Variants in RASAL2 observed in about 807,000 individuals in gnomAD.
RASAL2 encodes the protein ras GTPase-activating protein nGAP.
Under a neutral mutation model 128.9 loss-of-function variants are expected in RASAL2, and 58 were observed. The ratio of observed to expected loss-of-function variants is 0.45; its 90% confidence interval spans 0.36 to 0.56. The LOEUF is 0.56. Ranked by LOEUF, RASAL2 falls within the 20% of genes least tolerant of loss-of-function variation. The pLI, the probability that RASAL2 is intolerant of heterozygous loss-of-function variation, is 0.00. For missense variants in RASAL2, 1,360 were observed against 1,601.6 expected, an observed-to-expected ratio of 0.85 and a Z score of 2.57; for synonymous variants, 561 against 580.8, an observed-to-expected ratio of 0.97 and a Z score of 0.49.
intron 3 of RASAL2, among the ~76,000 whole-genome samples, chr1:178,367,365 C>G (rs1266271835): frequency 1.3e-5 from 2 of 152,162 alleles, no homozygotes; most frequent in Non-Finnish European, 2.9e-5. Context: ...TGGCTACCCT[C>G]TCTGAAATTG....
intron 3 of RASAL2, among the ~76,000 whole-genome samples, chr1:178,314,787 A>C (rs897066850): frequency 6.6e-6 from 1 of 152,040 alleles, no homozygotes. Context: ...CACTTTATTT[A>C]TTTATTTATT....
intron 1 of RASAL2, among the ~76,000 whole-genome samples, chr1:178,208,629 T>C (rs1663144971): frequency 6.6e-6 from 1 of 152,198 alleles, no homozygotes; most frequent in South Asian, 2.1e-4. Context: ...CCTGTGATCT[T>C]TGTTGGACCC....
intron 17 of RASAL2, among the ~76,000 whole-genome samples, chr1:178,471,476 T>C (rs1335606543): frequency 6.6e-6 from 1 of 152,200 alleles, no homozygotes; most frequent in East Asian, 1.9e-4. Flanking sequence ...ATTACTTTCC[T>C]AAAATAAAAA....
At chr1:178,162,569 A>G (rs1661365265) in intron 1 of RASAL2, among the ~76,000 whole-genome samples, 1 of 125,962 alleles carries the variant, frequency 7.9e-6, no homozygotes, top group Non-Finnish European at 1.7e-5. Flanking sequence ...ATCTTTATAT[A>G]AAATATATAT....
At chr1:178,454,681 A>G (rs765308915) in intron 12 of RASAL2, 33 bp downstream of exon 12, 1 of 1,570,616 alleles carries the variant, frequency 6.4e-7, no homozygotes, top group East Asian at 2.2e-5. Flanking sequence ...AGAGAACTTT[A>G]ATGTACCTGA....
At chr1:178,386,229 T>C (rs1239008281) in intron 3 of RASAL2, among the ~76,000 whole-genome samples, 1 of 152,230 alleles carries the variant, frequency 6.6e-6, no homozygotes, top group Non-Finnish European at 1.5e-5. Flanking sequence ...TAGAGGAATA[T>C]GTGTATGTTG....
At chr1:178,264,725 C>CCT (rs1226217105) in intron 1 of RASAL2, among the ~76,000 whole-genome samples, 1 of 152,146 alleles carries the variant, frequency 6.6e-6, no homozygotes, top group African/African-American at 2.4e-5. Context: ...TATTCACCAA[C>CCT]CTGGGAGCTC....
chr1:178,326,479 C>G (rs1165765576), intron 3 of RASAL2, among the ~76,000 whole-genome samples: 2 of 152,144 alleles, frequency 1.3e-5, no homozygotes, highest in African/African-American at 4.8e-5. Flanking sequence ...TAATGCTCTG[C>G]TATTTCAGAA....
At chr1:178,115,287 T>C (rs1359694692) in intron 1 of RASAL2, among the ~76,000 whole-genome samples, 1 of 152,260 alleles carries the variant, frequency 6.6e-6, no homozygotes, top group Non-Finnish European at 1.5e-5. Context: ...TTGTTCATAA[T>C]ATTTCCTTAT....
At chr1:178,132,548 A>G (rs141998087) in intron 1 of RASAL2, among the ~76,000 whole-genome samples, 179 of 152,308 alleles carry the variant, frequency 1.2e-3, no homozygotes, top group African/African-American at 3.6e-3. Flanking sequence ...ACCTGTAGTT[A>G]TACAAAGTAG....
At chr1:178,404,225 C>T (rs1469017434) in intron 4 of RASAL2, among the ~76,000 whole-genome samples, 1 of 57,128 alleles carries the variant, frequency 1.8e-5, no homozygotes, top group Non-Finnish European at 3.5e-5. Context: ...GACCCCGTCT[C>T]AAAAAAAAAA....
chr1:178,334,026 T>G (rs1007456125), intron 3 of RASAL2, among the ~76,000 whole-genome samples: 1 of 152,222 alleles, frequency 6.6e-6, no homozygotes, highest in Non-Finnish European at 1.5e-5. Flanking sequence ...GTGTTTTCTT[T>G]GTGGGATCAT....
In RASAL2 at chr1:178,475,642, A is replaced by C. The variant is rs1279718566; in HGVS notation, c.*2403A>C. 6.6e-6 allele frequency: 1 copy of C among 152,162 alleles called. No individual in the cohort carries two copies. Among genetic ancestry groups the C allele is most frequent in the Admixed American group, 6.5e-5 (1 of 15,278 alleles). 9.4% of individuals were successfully genotyped at this position (152,162 alleles called of 1,614,324 possible). On this transcript the variant is annotated 3_prime_UTR_variant, in exon 18 of 18. Coordinates refer to ENST00000367649, the MANE Select transcript of RASAL2 (RefSeq NM_170692.4). Reference sequence around the variant, plus strand: ...GGCTGATAAAATTACTTATATTGGGAATTGAGAGAAGCCCCAAAAAATCAA... The same window carrying C: ...GGCTGATAAAATTACTTATATTGGGCATTGAGAGAAGCCCCAAAAAATCAA...
chr1:178,340,111 A>G (rs1669788590), intron 3 of RASAL2, among the ~76,000 whole-genome samples: 1 of 152,144 alleles, frequency 6.6e-6, no homozygotes, highest in African/African-American at 2.4e-5. Flanking sequence ...CTAGATGACT[A>G]TGTGCTCCTC....
intron 3 of RASAL2, among the ~76,000 whole-genome samples, chr1:178,382,294 T>C (rs570276213): frequency 6.6e-6 from 1 of 152,330 alleles, no homozygotes; most frequent in South Asian, 2.1e-4. Flanking sequence ...TCCCTTGTTA[T>C]TGTTTTGCCT....
chr1:178,130,489 T>C (rs1453770390), intron 1 of RASAL2, among the ~76,000 whole-genome samples: 1 of 152,230 alleles, frequency 6.6e-6, no homozygotes, highest in East Asian at 1.9e-4. Flanking sequence ...GGAGAGATAA[T>C]TTATTCTTTT....
At chr1:178,400,844 A>G (rs1437966241) in intron 4 of RASAL2, among the ~76,000 whole-genome samples, 1 of 152,136 alleles carries the variant, frequency 6.6e-6, no homozygotes, top group Non-Finnish European at 1.5e-5. Flanking sequence ...TCTGCCTCCC[A>G]TGTTCAAGTG....
chr1:178,367,852 T>C (rs952376713), intron 3 of RASAL2, among the ~76,000 whole-genome samples: 3 of 152,238 alleles, frequency 2.0e-5, no homozygotes, highest in African/African-American at 7.2e-5. Context: ...TACTTTTCAA[T>C]GATAAGGACT....
intron 1 of RASAL2, among the ~76,000 whole-genome samples, chr1:178,178,914 A>T (rs1459182428): frequency 6.6e-6 from 1 of 152,176 alleles, no homozygotes; most frequent in Non-Finnish European, 1.5e-5. Flanking sequence ...TGCATTACTT[A>T]TTATTTATGC....
Sources: gnomAD v4.1 joint callset for allele counts (sites outside exome capture counted in the v4.1 genomes callset) on GRCh38, gnomAD v4.1.1 for gene constraint, MANE v1.5 for transcripts, NCBI Gene and HGNC (gene_info 2026-07-23, HGNC 2026-07-21) for gene names.